The following XKR6 variants were observed in gnomAD, a reference collection of about 807,000 sequenced individuals.
The protein encoded by XKR6 is XK-related protein 6.
XKR6 carries 22 observed loss-of-function variants against 56.7 expected under a neutral mutation model. The ratio of observed to expected loss-of-function variants is 0.39; its 90% CI spans 0.28 to 0.55. The LOEUF (loss-of-function observed/expected upper bound fraction) is 0.55. XKR6 is among the 20% of genes least tolerant of loss of function. XKR6 has a pLI of 0.66. For missense variants in XKR6, 852 were observed against 889.0 expected (o/e 0.96, Z 0.53); for synonymous variants, 524 against 387.8 (o/e 1.35, Z -4.13).
chr8:10,975,843 T>C (rs1802538272), intron 1 of XKR6, among the ~76,000 whole-genome samples: 1 of 152,044 alleles, frequency 6.6e-6, no homozygotes, highest in Admixed American at 6.6e-5. Context: ...CTTGGTCAAT[T>C]CACTCAATCT....
intron 1 of XKR6, among the ~76,000 whole-genome samples, chr8:11,060,611 G>C (rs554542759): frequency 3.4e-4 from 52 of 152,332 alleles, no homozygotes; most frequent in African/African-American, 1.2e-3. Flanking sequence ...CTGACAAAGA[G>C]GAGGTTACAC....
intron 1 of XKR6, among the ~76,000 whole-genome samples, chr8:11,188,765 G>T (rs944100909): frequency 6.6e-6 from 1 of 152,164 alleles, no homozygotes; most frequent in Admixed American, 6.5e-5. Context: ...ACGAGCAGAG[G>T]ATCTAACCCT....
intron 1 of XKR6, among the ~76,000 whole-genome samples, chr8:11,055,182 G>C (rs1799650416): frequency 6.6e-6 from 1 of 152,142 alleles, no homozygotes; most frequent in Non-Finnish European, 1.5e-5. Context: ...AGAGAGATTG[G>C]GCTCAACTCT....
At chr8:11,053,239 A>G (rs1799599997) in intron 1 of XKR6, among the ~76,000 whole-genome samples, 2 of 152,232 alleles carry the variant, frequency 1.3e-5, no homozygotes, top group Admixed American at 6.5e-5. Context: ...CTTAAAAAAC[A>G]TAGATGGCAA....
intron 1 of XKR6, among the ~76,000 whole-genome samples, chr8:10,978,303 A>G (rs987414324): frequency 4.6e-5 from 7 of 152,274 alleles, no homozygotes; most frequent in South Asian, 2.1e-4. Context: ...AATGTTATGC[A>G]TTAATGAATA....
chr8:11,047,664 G>A (rs1437682239), intron 1 of XKR6, among the ~76,000 whole-genome samples: 1 of 152,240 alleles, frequency 6.6e-6, no homozygotes, highest in African/African-American at 2.4e-5. Context: ...CAGAGCTTCA[G>A]TTTGGGAAGA....
intron 1 of XKR6, among the ~76,000 whole-genome samples, chr8:11,120,828 C>T (rs919566673): frequency 2.4e-4 from 36 of 152,098 alleles, no homozygotes; most frequent in African/African-American, 8.2e-4. Context: ...GGTACTGGTA[C>T]CAAAACAGAG....
rs753589511 is a variant in XKR6, at chr8:11,201,255, C to T, written c.85G>A (p.Glu29Lys). 5 of 1,567,758 alleles carry T rather than the reference C, an allele frequency of 3.2e-6. No individual in the cohort carries two copies. The highest frequency in any genetic ancestry group is 2.8e-5 in the African/African-American group (2 of 72,398). Residue 29 changes from glutamate to lysine, a missense_variant, in exon 1 of 3, where the codon GAG becomes AAG. This residue lies in a region of XKR6 where 417 missense variants were observed against 355.2 expected (regional missense o/e 1.17). Coordinates refer to ENST00000416569, the MANE Select transcript of XKR6 (RefSeq NM_173683.4). ...CCTCCCCCGGGCTCCCCGTCCTCCT[C>T]GCCGCCGCTGCCCACCGCCTCGTCC... The part of the protein sequence containing the change: ...NLDEAVGSGG[E>K]EDGEPGGGGC...
chr8:11,108,982 A>G (rs1450338187), intron 1 of XKR6: 2 of 152,288 alleles, frequency 1.3e-5, no homozygotes, highest in African/African-American at 4.8e-5. Flanking sequence ...GTTCCTATGT[A>G]TTTAGTGCAC....
chr8:10,993,838 T>C (rs576703205), intron 1 of XKR6, among the ~76,000 whole-genome samples: 4 of 152,306 alleles, frequency 2.6e-5, no homozygotes, highest in South Asian at 2.1e-4. Context: ...TGGGGTTCCC[T>C]ACCTCACTCA....
At chr8:11,059,955 C>A (rs931130393) in intron 1 of XKR6, among the ~76,000 whole-genome samples, 1 of 152,200 alleles carries the variant, frequency 6.6e-6, no homozygotes, top group African/African-American at 2.4e-5. Context: ...AGTCCAATAG[C>A]TCGCCCAACT....
intron 1 of XKR6, among the ~76,000 whole-genome samples, chr8:10,963,853 T>C (rs547451910): frequency 2.0e-5 from 3 of 152,350 alleles, no homozygotes; most frequent in South Asian, 4.1e-4. Context: ...TCCTAAGTAG[T>C]TGCTGAACGA....
At chr8:11,103,746 T>C (rs779598589) in intron 1 of XKR6, among the ~76,000 whole-genome samples, 1 of 152,220 alleles carries the variant, frequency 6.6e-6, no homozygotes. Flanking sequence ...CAAAAACTTG[T>C]GCTTTCTCTT....
intron 2 of XKR6, among the ~76,000 whole-genome samples, chr8:10,906,431 T>C (rs930382201): frequency 6.6e-6 from 1 of 152,228 alleles, no homozygotes; most frequent in Non-Finnish European, 1.5e-5. Flanking sequence ...GGGCACTACC[T>C]GGTTATCAGT....
chr8:11,122,671 T>C (rs941137860), intron 1 of XKR6, among the ~76,000 whole-genome samples: 2 of 152,244 alleles, frequency 1.3e-5, no homozygotes, highest in Non-Finnish European at 2.9e-5. Context: ...TAATTGTTCT[T>C]CAAAAAGTTA....
At chr8:11,013,622 C>T (rs569901625) in intron 1 of XKR6, among the ~76,000 whole-genome samples, 2 of 152,166 alleles carry the variant, frequency 1.3e-5, no homozygotes, top group African/African-American at 4.8e-5. Flanking sequence ...GATCTGGCCC[C>T]GGATCTGTGT....
chr8:10,909,665 A>G (rs1393783945), intron 2 of XKR6, among the ~76,000 whole-genome samples: 1 of 152,218 alleles, frequency 6.6e-6, no homozygotes, highest in Non-Finnish European at 1.5e-5. Flanking sequence ...ATCTCCCACA[A>G]TGCTCTCCAA....
rs535575856 is a variant in XKR6, at chr8:11,161,966, A to C, written c.764+38610T>G. 5.3e-5 allele frequency among the ~76,000 whole-genome samples: 8 copies of C among 152,278 alleles called. No homozygotes were observed. In the South Asian group the frequency reaches 1.7e-3, roughly 32 times the overall value. ...GAGCAAAATGAGAAAGAAAAAGAAAAGAGGAAGGCCCACCAGAGGACCTTT... is the reference window on the plus strand; with the variant it reads ...GAGCAAAATGAGAAAGAAAAAGAAACGAGGAAGGCCCACCAGAGGACCTTT... On this transcript the variant is annotated intron_variant, in intron 1 of 2. Coordinates refer to ENST00000416569, the MANE Select transcript of XKR6 (RefSeq NM_173683.4).
intron 2 of XKR6, among the ~76,000 whole-genome samples, chr8:10,911,193 GGT>G (rs1156749183): frequency 7.0e-5 from 9 of 128,938 alleles, no homozygotes; most frequent in African/African-American, 2.6e-4. Context: ...ATAGAGAGAG[GGT>G]GTGCGTGTGT....
Sources: allele counts gnomAD v4.1 joint callset (sites outside exome capture counted in the v4.1 genomes callset), GRCh38; gene constraint gnomAD v4.1.1; regional missense constraint gnomAD v4.1.1; transcripts MANE v1.5; gene names NCBI Gene and HGNC (gene_info 2026-07-23, HGNC 2026-07-21).